Variants in IRX4 observed in about 807,000 individuals in gnomAD.
IRX4 encodes iroquois-class homeodomain protein IRX-4.
In IRX4, 22 loss-of-function variants were observed where a neutral mutation model predicts 32.0. That is an observed-to-expected ratio of 0.69 (90% CI 0.49 to 0.98). IRX4 has a LOEUF of 0.98. IRX4 is among the 50% of genes least tolerant of loss of function. The probability of loss-of-function intolerance (pLI) is 0.00; values close to 1 mark genes in which losing one functional copy is unlikely to be tolerated. For synonymous variants in IRX4, 379 were observed against 351.7 expected, an observed-to-expected ratio of 1.08 and a Z score of -0.87; for missense variants, 840 against 744.2, an observed-to-expected ratio of 1.13 and a Z score of -1.50.
chr5:1,880,241 A>C (rs1735381035), intron 3 of IRX4: 1 of 908,648 alleles, frequency 1.1e-6, no homozygotes, highest in African/African-American at 1.7e-5. Context: ...GAAAGCACCC[A>C]AGGGGCCTAA....
Position 1,878,767 on chromosome 5 carries a change from C to T in IRX4, c.762G>A (p.Glu254=), listed in dbSNP as rs201683577. 1.5e-5 allele frequency: 24 copies of T among 1,613,292 alleles called. No homozygotes were observed. Among genetic ancestry groups the T allele is most frequent in the Admixed American group, 5.0e-5 (3 of 60,026 alleles). ...AGTCGTCCAAGTCACTAAGCTCCAG[C>T]TCCTTCTCCTCTTTGCCCACGGGCT... ...NAEPVGKEEK[E]LELSDLDDFD... is the part of the protein sequence containing the mutation. Residue 254 remains glutamate (E), a synonymous_variant, in exon 5 of 5, where the codon GAG becomes GAA. Transcript: ENST00000231357.
chr5:1,880,735 G>C lies in IRX4; in HGVS notation c.397C>G (p.Pro133Ala). The change falls in exon 3 of 5, where the codon CCC becomes GCC. Residue 133 changes from proline to alanine, a missense_variant. Physicochemically the swap from Pro to Ala is conservative, Grantham distance 27. This residue lies in a region of IRX4 where 241 missense variants were observed against 220.8 expected (regional missense o/e 1.09). Transcript: ENST00000231357. ...YPYEPALGQY[P>A]YDRYGTMDSG... Reference sequence around the variant, plus strand: ...GGGGTGGGTCCTCACCTGTCATAGGGGTACTGGCCCAGAGCTGGCTCGTAA... The same window carrying C: ...GGGGTGGGTCCTCACCTGTCATAGGCGTACTGGCCCAGAGCTGGCTCGTAA... 1 of 1,612,426 alleles carries C rather than the reference G, an allele frequency of 6.2e-7. No homozygotes were observed. The highest frequency in any genetic ancestry group is 8.5e-7 in the Non-Finnish European group (1 of 1,178,598).
rs1367996650 is a variant in IRX4 at position 1,879,543 on chromosome 5, C to T, written c.697G>A (p.Glu233Lys). 8.1e-6 allele frequency: 13 copies of T among 1,613,178 alleles called. No individual in the cohort carries two copies. Among genetic ancestry groups the T allele is most frequent in the Non-Finnish European group, 9.3e-6 (11 of 1,179,952 alleles). Reference sequence around the variant, plus strand: ...CTCTTGAGGGGCTCCTCCCGCGCCTCCTCCTCGCCCCCCTCCTCCTCCTCG... The same window carrying T: ...CTCTTGAGGGGCTCCTCCCGCGCCTTCTCCTCGCCCCCCTCCTCCTCCTCG... ...EGEEEEGGEE[E>K]AREEPLKSSK... The change falls in exon 4 of 5, where the codon GAG (glutamate) becomes AAG (lysine). Residue 233 changes from glutamate (E) to lysine (K), a missense_variant. Glu to Lys is a moderately conservative substitution (Grantham distance 56). Around this residue, in one of 3 missense-constraint regions of IRX4, gnomAD observed 585 missense variants for 488.0 expected, o/e 1.20. Coordinates refer to ENST00000231357, the MANE Select transcript of IRX4 (RefSeq NM_016358.3).
chr5:1,879,867 C>T, intron 3 of IRX4, 35 bp from the exon 4 acceptor site: 2 of 1,609,820 alleles, frequency 1.2e-6, no homozygotes, highest in Non-Finnish European at 1.7e-6. Flanking sequence ...TCAGGCTGGG[C>T]CCTCTGGGCC....
intron 1 of IRX4, 47 bp downstream of exon 1, chr5:1,882,556 C>A: frequency 6.8e-7 from 1 of 1,475,922 alleles, no homozygotes; most frequent in Non-Finnish European, 9.1e-7. Context: ...GCCCCATCCG[C>A]CCTACCGGCA....
In IRX4 at chr5:1,877,518, T is replaced by A. The variant is rs1735237751; in HGVS notation, c.*451A>T. 6.1e-6 allele frequency: 1 copy of A among 165,058 alleles called. No homozygotes were observed. The highest frequency in any genetic ancestry group is 1.3e-5 in the Non-Finnish European group (1 of 77,732). The allele number at this position is 165,058 out of a possible 1,614,324, so 10.2% of individuals were successfully genotyped here. A position where few individuals can be genotyped will look rare whatever the true frequency, so the allele number is the denominator to read the frequency against. ...ATACATCTTAAAAAGCATCATATTATGGAGTCAAGAGTGTGCAAGAGTCAA... is the reference window on the plus strand; with the variant it reads ...ATACATCTTAAAAAGCATCATATTAAGGAGTCAAGAGTGTGCAAGAGTCAA... On this transcript the variant is annotated 3_prime_UTR_variant, in exon 5 of 5. Transcript: ENST00000231357.
At chr5:1,886,576 C>T (rs1735638193), upstream of IRX4, among the ~76,000 whole-genome samples, 1 of 152,176 alleles carries the variant, frequency 6.6e-6, no homozygotes, top group Non-Finnish European at 1.5e-5. Context: ...AACCGCCCTC[C>T]ATGGGGGCCC....
At chr5:1,881,248 G>A in intron 2 of IRX4, among the ~76,000 whole-genome samples, 1 of 148,058 alleles carries the variant, frequency 6.8e-6, no homozygotes. Context: ...TGGAGAAAGG[G>A]GAGGGGCTGC....
At chr5:1,881,321 G>A (rs1314804634) in intron 2 of IRX4, among the ~76,000 whole-genome samples, 1 of 77,602 alleles carries the variant, frequency 1.3e-5, no homozygotes, top group Non-Finnish European at 2.6e-5. Context: ...GCGCAAGGCG[G>A]GGGGAGGAGC....
In IRX4 at chr5:1,882,107, G is replaced by A. The variant is rs766598966; in HGVS notation, c.46-48C>T. On this transcript the variant is annotated intron_variant, in intron 1 of 4. Transcript: ENST00000231357. ...CTGGCGGGAAGCCGGGCTGGAGGCT[G>A]GGGCCCTGGGCCTTGCCAATCCCGC... The A allele has an allele frequency of 9.7e-4, 1,476 of 1,528,160 alleles. 2 individuals carry two copies. The highest frequency in any genetic ancestry group is 8.8e-4 in the Non-Finnish European group (1,008 of 1,142,352). The allele number at this position is 1,528,160 out of a possible 1,614,324, so 94.7% of individuals were successfully genotyped here.
upstream of IRX4, chr5:1,884,577 T>C (rs1283035997): frequency 2.0e-5 from 3 of 152,278 alleles, no homozygotes; most frequent in Admixed American, 6.5e-5. Flanking sequence ...AGCCGCTCCA[T>C]GCAAATTATT....
At chr5:1,886,658 G>C (rs1411867839), upstream of IRX4, among the ~76,000 whole-genome samples, 2 of 152,066 alleles carry the variant, frequency 1.3e-5, no homozygotes, top group African/African-American at 4.8e-5. Flanking sequence ...AGGCTGGACG[G>C]AGCGCCGTCC....
intron 4 of IRX4, 137 bp downstream of exon 4, chr5:1,879,367 G>A: frequency 7.2e-7 from 1 of 1,387,480 alleles, no homozygotes; most frequent in East Asian, 2.3e-5. Context: ...GGTAGCCTGA[G>A]GCAGAACCGG....
Position 1,879,715 on chromosome 5 carries a change from C to A in IRX4, c.525G>T (p.Lys175Asn). ...TCTTGGTGATGATGGCCAGCATGAT[C>A]TTCTCGCCCTTGGTGGGGTAGGGGT... ...RKNPYPTKGE[K>N]IMLAIITKMT... The change falls in exon 4 of 5, where the codon AAG (lysine) becomes AAT (asparagine). Residue 175 changes from lysine (K) to asparagine (N), a missense_variant. Around this residue, in one of 3 missense-constraint regions of IRX4, gnomAD observed 14 missense variants for 35.4 expected, o/e 0.40. Transcript: ENST00000231357. 1 of 1,614,240 alleles carries A rather than the reference C, an allele frequency of 6.2e-7. No individual in the cohort carries two copies. The highest frequency in any genetic ancestry group is 8.5e-7 in the Non-Finnish European group (1 of 1,180,038).
intron 3 of IRX4, among the ~76,000 whole-genome samples, chr5:1,880,385 C>T (rs1735385109): frequency 6.6e-6 from 1 of 152,226 alleles, no homozygotes; most frequent in African/African-American, 2.4e-5. Context: ...AGTGTGGACA[C>T]TCGGAAGGAG....
chr5:1,879,015 G>A (rs1469743497), intron 4 of IRX4, among the ~76,000 whole-genome samples: 1 of 148,580 alleles, frequency 6.7e-6, no homozygotes, highest in Non-Finnish European at 1.5e-5. Context: ...TTTTTGAGAC[G>A]GAGTCTCGCT....
intron 2 of IRX4, 172 bp from the exon 3 acceptor site, chr5:1,881,006 T>G: frequency 2.0e-6 from 1 of 503,328 alleles, no homozygotes; most frequent in Non-Finnish European, 3.6e-6. Context: ...CTCGCAAACC[T>G]GAAGTGGGGA....
At chr5:1,883,080 C>G (rs1735512541), upstream of IRX4, among the ~76,000 whole-genome samples, 1 of 152,090 alleles carries the variant, frequency 6.6e-6, no homozygotes. Flanking sequence ...CCGGGAGGGG[C>G]CAGGACAGTC....
At position 1,878,250 on chromosome 5, in the gene IRX4, G is replaced by C; in HGVS notation, c.1279C>G (p.His427Asp). The C allele has an allele frequency of 6.9e-6, 11 of 1,603,904 alleles. No homozygotes were observed. Among genetic ancestry groups the C allele is most frequent in the Non-Finnish European group, 9.4e-6 (11 of 1,176,276 alleles). ...AGACTGGTTACCGGGGAGTCCTGGTGCCTGTCCAGGGCGCCAGAGTGGGGA... is the reference window on the plus strand; with the variant it reads ...AGACTGGTTACCGGGGAGTCCTGGTCCCTGTCCAGGGCGCCAGAGTGGGGA... ...ALPHSGALDR[H>D]QDSPVTSLRN... Residue 427 changes from histidine (H) to aspartate (D), a missense_variant, in exon 5 of 5, where the codon CAC becomes GAC. His to Asp is a moderately conservative substitution (Grantham distance 81). Around this residue, in one of 3 missense-constraint regions of IRX4, gnomAD observed 585 missense variants for 488.0 expected, o/e 1.20. Transcript: ENST00000231357.
Sources: gnomAD v4.1 joint callset for allele counts (sites outside exome capture counted in the v4.1 genomes callset) on GRCh38, gnomAD v4.1.1 for gene constraint, gnomAD v4.1.1 regional missense constraint, MANE v1.5 for transcripts, NCBI Gene and HGNC (gene_info 2026-07-23, HGNC 2026-07-21) for gene names.